CACNB2: variants seen among roughly 807,000 people sequenced by gnomAD.
The protein encoded by CACNB2 is calcium voltage-gated channel auxiliary subunit beta 2.
A neutral mutation model predicts 73.3 loss-of-function variants in CACNB2; 42 were observed. That is an observed-to-expected ratio of 0.57 (90% confidence interval 0.45 to 0.74). The LOEUF is 0.74. CACNB2 is among the 30% of genes least tolerant of loss of function. The probability of loss-of-function intolerance (pLI) is 0.00; values close to 1 mark genes in which losing one functional copy is unlikely to be tolerated. For missense variants in CACNB2, 940 were observed against 853.0 expected, an observed-to-expected ratio of 1.10 and a Z score of -1.27; for synonymous variants, 348 against 310.3, an observed-to-expected ratio of 1.12 and a Z score of -1.28.
At chr10:18,269,509 G>A (rs970431970) in intron 2 of CACNB2, among the ~76,000 whole-genome samples, 4 of 152,144 alleles carry the variant, frequency 2.6e-5, no homozygotes, top group Non-Finnish European at 5.9e-5. Flanking sequence ...AACATTTGAG[G>A]AATGCTCAAA....
At position 18,242,127 on chromosome 10, in the gene CACNB2, A is replaced by G. The variant is rs5002243; in HGVS notation, c.213+91152A>G. ...TATGTATACATGTGTGTGTGTGTGTATATATATATATACACACAATAAGAC... is the reference window on the plus strand; with the variant it reads ...TATGTATACATGTGTGTGTGTGTGTGTATATATATATACACACAATAAGAC... On this transcript the variant is annotated intron_variant, in intron 2 of 13. Transcript: ENST00000324631. Among the ~76,000 whole-genome samples the G allele has an allele frequency of 8.8e-4, 84 of 95,884 alleles. 1 individual carries two copies. The highest frequency in any genetic ancestry group is 1.1e-3 in the Non-Finnish European group (48 of 44,670). 62.9% of individuals were successfully genotyped at this position (95,884 alleles called of 152,430 possible).
chr10:18,499,355 T>C (rs7070952), intron 4 of CACNB2, among the ~76,000 whole-genome samples: 90,661 of 152,014 alleles, frequency 0.6, 27,780 homozygotes, highest in African/African-American at 0.71. Flanking sequence ...CGGTGGCTCA[T>C]GCCTGTAATC....
intron 2 of CACNB2, among the ~76,000 whole-genome samples, chr10:18,305,233 T>A (rs1328938940): frequency 1.3e-5 from 2 of 152,180 alleles, no homozygotes; most frequent in Non-Finnish European, 2.9e-5. Context: ...TGAGACAGAA[T>A]TTGGAATTTA....
chr10:18,393,078 G>A lies in CACNB2; in HGVS notation c.214-8846G>A, dbSNP rs559480271. Among the ~76,000 whole-genome samples, 6 of 151,936 alleles carry A rather than the reference G, an allele frequency of 3.9e-5. No homozygotes were observed. In the East Asian group the frequency reaches 1.2e-3, roughly 29 times the overall value. ...ACAAAAATTAGCTGGGCATGGTGGT[G>A]GGCACCTGTAATCCCAACTACTCAG... On this transcript the variant is annotated intron_variant, in intron 2 of 13. Transcript: ENST00000324631.
chr10:18,416,075 G>T (rs1287041608), intron 3 of CACNB2, among the ~76,000 whole-genome samples: 1 of 152,072 alleles, frequency 6.6e-6, no homozygotes, highest in African/African-American at 2.4e-5. Context: ...CTACTCTGCT[G>T]TCAAACACTG....
chr10:18,272,604 C>A (rs1276635467), intron 2 of CACNB2, among the ~76,000 whole-genome samples: 3 of 152,134 alleles, frequency 2.0e-5, no homozygotes, highest in Non-Finnish European at 2.9e-5. Context: ...GTAATTGAAT[C>A]ATGGGGGCAG....
At chr10:18,197,338 T>C (rs1010156076) in intron 2 of CACNB2, among the ~76,000 whole-genome samples, 2 of 152,202 alleles carry the variant, frequency 1.3e-5, no homozygotes, top group African/African-American at 4.8e-5. Flanking sequence ...CTAAGTTATA[T>C]CAGCTAGAAT....
chr10:18,358,941 A>G (rs2042040670), intron 2 of CACNB2, among the ~76,000 whole-genome samples: 1 of 152,154 alleles, frequency 6.6e-6, no homozygotes, highest in African/African-American at 2.4e-5. Context: ...GAAAAACTTT[A>G]CATGGCGTTT....
At chr10:18,410,071 A>G (rs1471051005) in intron 3 of CACNB2, among the ~76,000 whole-genome samples, 1 of 152,114 alleles carries the variant, frequency 6.6e-6, no homozygotes, top group Admixed American at 6.6e-5. Context: ...CATCCTTCAG[A>G]GGTGCCTGTT....
At chr10:18,356,757 G>A (rs1199185517) in intron 2 of CACNB2, among the ~76,000 whole-genome samples, 1 of 151,568 alleles carries the variant, frequency 6.6e-6, no homozygotes, top group African/African-American at 2.4e-5. Flanking sequence ...CAGCCTCCAA[G>A]TAGCTGGAAC....
At chr10:18,481,892 T>A (rs1385464686) in intron 3 of CACNB2, among the ~76,000 whole-genome samples, 1 of 152,174 alleles carries the variant, frequency 6.6e-6, no homozygotes, top group Non-Finnish European at 1.5e-5. Context: ...GGTCACAATT[T>A]TTTTTCTGAG....
intron 2 of CACNB2, among the ~76,000 whole-genome samples, chr10:18,218,925 A>T (rs1198988698): frequency 6.6e-6 from 1 of 152,214 alleles, no homozygotes; most frequent in Non-Finnish European, 1.5e-5. Context: ...ACACTTTGGT[A>T]GGCTGAAGCA....
chr10:18,474,709 A>T (rs540365608), intron 3 of CACNB2, among the ~76,000 whole-genome samples: 1 of 152,202 alleles, frequency 6.6e-6, no homozygotes, highest in South Asian at 2.1e-4. Context: ...CACCGAAAGG[A>T]AAACTGTTTC....
At chr10:18,481,280 T>TGGAATG (rs1257078154) in intron 3 of CACNB2, among the ~76,000 whole-genome samples, 5 of 125,406 alleles carry the variant, frequency 4.0e-5, no homozygotes, top group Admixed American at 1.8e-4. Flanking sequence ...AGAGTCTTGC[T>TGGAATG]CTGTCTCCCA....
intron 2 of CACNB2, among the ~76,000 whole-genome samples, chr10:18,207,095 A>G (rs1031125963): frequency 2.0e-5 from 3 of 151,914 alleles, no homozygotes; most frequent in African/African-American, 7.3e-5. Context: ...TGCAACCTCT[A>G]CCTCCCGGGT....
chr10:18,238,926 G>A (rs1469985439), intron 2 of CACNB2, among the ~76,000 whole-genome samples: 1 of 152,172 alleles, frequency 6.6e-6, no homozygotes, highest in African/African-American at 2.4e-5. Flanking sequence ...TCCTACAATT[G>A]TGAAGTCACG....
chr10:18,486,031 A>C (rs2049044437), intron 3 of CACNB2, among the ~76,000 whole-genome samples: 1 of 152,038 alleles, frequency 6.6e-6, no homozygotes, highest in Non-Finnish European at 1.5e-5. Context: ...GTTATTAGCA[A>C]TTGACAGTTT....
intron 2 of CACNB2, among the ~76,000 whole-genome samples, chr10:18,368,484 G>A (rs2042445301): frequency 6.6e-6 from 1 of 152,132 alleles, no homozygotes; most frequent in Non-Finnish European, 1.5e-5. Flanking sequence ...TTTATTGCCT[G>A]CATCACATGT....
At chr10:18,206,763 G>A (rs996364890) in intron 2 of CACNB2, 2 of 152,286 alleles carry the variant, frequency 1.3e-5, no homozygotes, top group African/African-American at 4.8e-5. Flanking sequence ...AGCAAGCAAA[G>A]TGGGGAGGGT....
Sources: gnomAD v4.1 joint callset for allele counts (sites outside exome capture counted in the v4.1 genomes callset) on GRCh38, gnomAD v4.1.1 for gene constraint, MANE v1.5 for transcripts, NCBI Gene and HGNC (gene_info 2026-07-23, HGNC 2026-07-21) for gene names.